The following NEIL1 variants were observed in gnomAD, a reference collection of about 807,000 sequenced individuals.
NEIL1 encodes nei like DNA glycosylase 1, also known as endonuclease 8-like 1.
In NEIL1, 31 loss-of-function variants were observed where a neutral mutation model predicts 44.2. The ratio of observed to expected loss-of-function variants is 0.70; its 90% CI spans 0.53 to 0.95. NEIL1 has a LOEUF of 0.95. NEIL1 is among the 40% of genes least tolerant of loss of function. The pLI is 0.00. For missense variants in NEIL1, 549 were observed against 515.5 expected (o/e 1.07, Z -0.63); for synonymous variants, 254 against 209.7 (o/e 1.21, Z -1.83).
chr15:75,354,893 A>G lies in NEIL1; in HGVS notation c.1103-71A>G, dbSNP rs556803710. 61 of 1,612,066 alleles carry G rather than the reference A, an allele frequency of 3.8e-5. 2 individuals are homozygous for G. The South Asian group carries it at 6.3e-4, about 17-fold the overall frequency. On this transcript the variant is annotated intron_variant, in intron 9 of 9. Coordinates refer to ENST00000355059, the MANE Select transcript of NEIL1 (RefSeq NM_024608.4). ...GATGGTGGCCTAGGAGCGCGTGTACAAAGGTGGGAGAAAGGCTGCCATGGC... is the reference window on the plus strand; with the variant it reads ...GATGGTGGCCTAGGAGCGCGTGTACGAAGGTGGGAGAAAGGCTGCCATGGC...
At position 75,356,925 on chromosome 15, in the gene NEIL1, A is replaced by T. The variant is rs1567270892; in HGVS notation, c.*1891A>T. The T allele has an allele frequency of 6.3e-7, 1 of 1,595,694 alleles. No homozygotes were observed. The highest frequency in any genetic ancestry group is 1.3e-5 in the African/African-American group (1 of 74,696). On this transcript the variant is annotated 3_prime_UTR_variant, in exon 10 of 10. Transcript: ENST00000355059. The surrounding 1 kb of genome is among the most constrained non-coding windows in gnomAD (Gnocchi z 5.8). ...CACCTGGAGGGCAGATCCAAGACCC[A>T]CTTGGTGGCCCTGTGCCCCTCTTTG...
At chr15:75,349,391 T>A in intron 2 of NEIL1, 52 bp downstream of exon 2, 1 of 1,513,540 alleles carries the variant, frequency 6.6e-7, no homozygotes. Context: ...CACACCTGAC[T>A]CTCTTAGTGC....
In NEIL1 at chr15:75,353,869, T is replaced by G. The variant is rs1481168692; in HGVS notation, c.846+3T>G. 1 of 1,612,402 alleles carries G rather than the reference T, an allele frequency of 6.2e-7. No homozygotes were observed. Among genetic ancestry groups the G allele is most frequent in the Non-Finnish European group, 8.5e-7 (1 of 1,179,952 alleles). On this transcript the variant is annotated splice_donor_region_variant and intron_variant, in intron 6 of 9. Coordinates refer to ENST00000355059, the MANE Select transcript of NEIL1 (RefSeq NM_024608.4). ...ATGGCCGTACCATCTGGTTCCAGGTTGGGCCCTACTGTTCACACAGGCAGA... is the reference window on the plus strand; with the variant it reads ...ATGGCCGTACCATCTGGTTCCAGGTGGGGCCCTACTGTTCACACAGGCAGA...
At position 75,353,399 on chromosome 15, in the gene NEIL1, T is replaced by A. The variant is rs187155705; in HGVS notation, c.719-340T>A. The stretch of plus-strand genomic sequence containing the variant: ...ACCACACCGGGCTAATTGTTAAAAA[T>A]TTTTTTTGTAGAGACAGGGTCTCCC... On this transcript the variant is annotated intron_variant, in intron 5 of 9. Transcript: ENST00000355059. 715 of 333,390 alleles carry A rather than the reference T, an allele frequency of 2.1e-3. 10 individuals carry two copies. The highest frequency in any genetic ancestry group is 0.013 in the South Asian group (514 of 40,676). The allele number at this position is 333,390 out of a possible 1,614,324, so 20.7% of individuals were successfully genotyped here. A position where few individuals can be genotyped will look rare whatever the true frequency, so the allele number is the denominator to read the frequency against.
In NEIL1 at chr15:75,354,252, G is replaced by A. The variant is rs759363842; in HGVS notation, c.849G>A (p.Gly283=). 1.2e-6 allele frequency: 2 copies of A among 1,614,066 alleles called. No individual in the cohort carries two copies. The highest frequency in any genetic ancestry group is 1.7e-6 in the Non-Finnish European group (2 of 1,179,976). The part of the protein sequence containing the change: ...DRHGRTIWFQ[G]DPGPLAPKGR... The stretch of plus-strand genomic sequence containing the variant: ...GAATTATCCCCATCCCATTTTAGGG[G>A]GATCCTGGACCGTTGGCACCCAAAG... The change falls in exon 7 of 10, where the codon GGG becomes GGA. Residue 283 remains glycine, a splice_region_variant and synonymous_variant. Coordinates refer to ENST00000355059, the MANE Select transcript of NEIL1 (RefSeq NM_024608.4).
intron 5 of NEIL1, 90 bp from the exon 6 acceptor site, chr15:75,353,649 A>G: frequency 2.2e-6 from 3 of 1,356,036 alleles, no homozygotes; most frequent in Non-Finnish European, 3.2e-6. Flanking sequence ...CAGCTTGTGT[A>G]GCTGAGGTCT....
rs1056942171 is a variant in NEIL1, at chr15:75,347,206, T to C, written c.-290T>C. The stretch of plus-strand genomic sequence containing the variant: ...ATGATGTTTGTTTATGAGTTAGGTC[T>C]GACTGTTCGTTGGTGCTTAAGATCC... On this transcript the variant is annotated 5_prime_UTR_variant, in exon 1 of 10. Transcript: ENST00000355059. 2.6e-5 allele frequency: 4 copies of C among 152,470 alleles called. No homozygotes were observed. Among genetic ancestry groups the C allele is most frequent in the African/African-American group, 9.6e-5 (4 of 41,470 alleles). 9.4% of individuals were successfully genotyped at this position (152,470 alleles called of 1,614,324 possible).
chr15:75,354,376 G>A lies in NEIL1; in HGVS notation c.875-55G>A, dbSNP rs1261038640. On this transcript the variant is annotated intron_variant, in intron 7 of 9. Coordinates refer to ENST00000355059, the MANE Select transcript of NEIL1 (RefSeq NM_024608.4). ...TCCACCCTATCCCCCTGCAACCCTG[G>A]GAGTCACCCCTGGGCAGGATAGGAC... is the stretch of plus-strand genomic sequence containing the variant. 3.7e-6 allele frequency: 6 copies of A among 1,612,602 alleles called. No individual in the cohort carries two copies. In the East Asian group the frequency reaches 6.7e-5, roughly 18 times the overall value.
Position 75,356,026 on chromosome 15 carries a change from A to G in NEIL1, c.*992A>G. The G allele has an allele frequency of 6.2e-7, 1 of 1,613,932 alleles. No individual in the cohort carries two copies. The highest frequency in any genetic ancestry group is 2.2e-5 in the East Asian group (1 of 44,864). ...CAGCAGGGTCTGGTCGCTCCAAGAG[A>G]TCGCAGCTGGAGAACAGGAGGGGCC... On this transcript the variant is annotated 3_prime_UTR_variant, in exon 10 of 10. Coordinates refer to ENST00000355059, the MANE Select transcript of NEIL1 (RefSeq NM_024608.4). The surrounding 1 kb of genome is among the most constrained non-coding windows in gnomAD (Gnocchi z 5.8).
At position 75,356,360 on chromosome 15, in the gene NEIL1, T is replaced by C. The variant is rs767237893; in HGVS notation, c.*1326T>C. On this transcript the variant is annotated 3_prime_UTR_variant, in exon 10 of 10. Coordinates refer to ENST00000355059, the MANE Select transcript of NEIL1 (RefSeq NM_024608.4). The surrounding 1 kb of genome is among the most constrained non-coding windows in gnomAD (Gnocchi z 5.8). ...GACACGGAAAACGCACTCCAGGAGG[T>C]GGCGGGCGCTGGGCTGGGGGCTGGC... 1 of 1,610,354 alleles carries C rather than the reference T, an allele frequency of 6.2e-7. No individual in the cohort carries two copies. The highest frequency in any genetic ancestry group is 8.5e-7 in the Non-Finnish European group (1 of 1,179,008).
In NEIL1 at chr15:75,352,652, A is replaced by G; in HGVS notation, c.669A>G (p.Pro223=). Reference sequence around the variant, plus strand: ...AGATAAGGACCAAGCTGCAGAATCCAGACCTGCTGGAGCTATGTCACTCAG... The same window carrying G: ...AGATAAGGACCAAGCTGCAGAATCCGGACCTGCTGGAGCTATGTCACTCAG... ...SQKIRTKLQN[P]DLLELCHSVP... The change falls in exon 5 of 10, where the codon CCA becomes CCG. Residue 223 remains proline, a synonymous_variant. Transcript: ENST00000355059. 1 of 1,613,544 alleles carries G rather than the reference A, an allele frequency of 6.2e-7. No individual in the cohort carries two copies.
Position 75,356,095 on chromosome 15 carries a change from C to T in NEIL1, c.*1061C>T. 3 of 1,613,816 alleles carry T rather than the reference C, an allele frequency of 1.9e-6. No individual in the cohort carries two copies. The highest frequency in any genetic ancestry group is 2.5e-6 in the Non-Finnish European group (3 of 1,179,930). On this transcript the variant is annotated 3_prime_UTR_variant, in exon 10 of 10. Transcript: ENST00000355059. This position sits in a 1 kb window ranked among gnomAD's most constrained non-coding sequence, Gnocchi z 5.8. ...CGAGACTCGACCCCCGCCCCAATCC[C>T]ACACCGCCACTCACAGGATGGCCTC...
intron 9 of NEIL1, 32 bp from the exon 10 acceptor site, chr15:75,354,932 T>C (rs2072238684): frequency 6.2e-7 from 1 of 1,613,590 alleles, no homozygotes; most frequent in East Asian, 2.2e-5. Flanking sequence ...CCCTGGAGTC[T>C]TAGCTGACCA....
At chr15:75,354,892 C>A in intron 9 of NEIL1, 72 bp from the exon 10 acceptor site, 1 of 1,611,726 alleles carries the variant, frequency 6.2e-7, no homozygotes, top group South Asian at 1.1e-5. Context: ...AGCGCGTGTA[C>A]AAAGGTGGGA....
Position 75,356,738 on chromosome 15 carries a change from C to A in NEIL1, c.*1704C>A. 1 of 1,612,214 alleles carries A rather than the reference C, an allele frequency of 6.2e-7. No individual in the cohort carries two copies. The highest frequency in any genetic ancestry group is 1.1e-5 in the South Asian group (1 of 90,984). On this transcript the variant is annotated 3_prime_UTR_variant, in exon 10 of 10. Coordinates refer to ENST00000355059, the MANE Select transcript of NEIL1 (RefSeq NM_024608.4). This position sits in a 1 kb window ranked among gnomAD's most constrained non-coding sequence, Gnocchi z 5.8. Reference sequence around the variant, plus strand: ...ACGCTGAAGCTGTTGGAGTTGTGGTCGGGAAGACCCATTTCTCCATGCCAG... The same window carrying A: ...ACGCTGAAGCTGTTGGAGTTGTGGTAGGGAAGACCCATTTCTCCATGCCAG...
At chr15:75,348,729 G>C in intron 1 of NEIL1, 155 bp from the exon 2 acceptor site, 1 of 1,438,852 alleles carries the variant, frequency 6.9e-7, no homozygotes, top group Middle Eastern at 2.6e-4. Context: ...TCCGGGTAGG[G>C]GATTGAGGGC....
At chr15:75,351,998 C>T in intron 2 of NEIL1, 113 bp from the exon 3 acceptor site, 1 of 957,562 alleles carries the variant, frequency 1.0e-6, no homozygotes, top group Non-Finnish European at 1.6e-6. Context: ...AGAAGAGGAA[C>T]TGTAACTCCC....
At position 75,355,603 on chromosome 15, in the gene NEIL1, C is replaced by T; in HGVS notation, c.*569C>T. ...GGGGAGGGGCTTCTCAACTCATGGT[C>T]TCTTCACTGGCTTTTGGTGGCTCGA... is the stretch of plus-strand genomic sequence containing the variant. On this transcript the variant is annotated 3_prime_UTR_variant, in exon 10 of 10. Coordinates refer to ENST00000355059, the MANE Select transcript of NEIL1 (RefSeq NM_024608.4). 1 of 343,124 alleles carries T rather than the reference C, an allele frequency of 2.9e-6. No individual in the cohort carries two copies. The highest frequency in any genetic ancestry group is 5.4e-6 in the Non-Finnish European group (1 of 184,480). 21.3% of individuals were successfully genotyped at this position (343,124 alleles called of 1,614,324 possible). A position where few individuals can be genotyped will look rare whatever the true frequency, so the allele number is the denominator to read the frequency against.
chr15:75,350,026 G>C (rs2071758667), intron 2 of NEIL1, among the ~76,000 whole-genome samples: 1 of 152,222 alleles, frequency 6.6e-6, no homozygotes, highest in South Asian at 2.1e-4. Context: ...TTGTTTCAAG[G>C]GGATGGGGAG....
Sources: gnomAD v4.1 joint callset for allele counts (sites outside exome capture counted in the v4.1 genomes callset) on GRCh38, gnomAD v4.1.1 for gene constraint, Gnocchi (gnomAD v3.1) non-coding constraint, MANE v1.5 for transcripts, NCBI Gene and HGNC (gene_info 2026-07-23, HGNC 2026-07-21) for gene names.